RCOR1: variants seen among roughly 807,000 people sequenced by gnomAD.
The protein encoded by RCOR1 is REST corepressor.
RCOR1 carries 12 observed loss-of-function variants against 64.0 expected under a neutral mutation model. The ratio of observed to expected loss-of-function variants is 0.19; its 90% CI spans 0.12 to 0.30. The LOEUF (loss-of-function observed/expected upper bound fraction) is 0.30. Among genes scored for constraint, RCOR1 ranks in the 10% least tolerant of loss-of-function variants. RCOR1 has a pLI of 1.00. For missense variants in RCOR1, 502 were observed against 621.2 expected (o/e 0.81, Z 2.04); for synonymous variants, 279 against 227.2 (o/e 1.23, Z -2.05).
chr14:102,593,143 C>A lies in RCOR1; in HGVS notation c.257C>A (p.Ser86Tyr), dbSNP rs757175409. 1 of 1,530,242 alleles carries A rather than the reference C, an allele frequency of 6.5e-7. No individual in the cohort carries two copies. The highest frequency in any genetic ancestry group is 1.2e-5 in the South Asian group (1 of 81,760). The allele number at this position is 1,530,242 out of a possible 1,614,324, so 94.8% of individuals were successfully genotyped here. A position where few individuals can be genotyped will look rare whatever the true frequency, so the allele number is the denominator to read the frequency against. ...AAPNGNSSSN[S>Y]WEEGSSGSSS... ...CCCAATGGCAACAGCAGCAGCAACTCCTGGGAGGAAGGCAGCTCGGGCTCG... is the reference window on the plus strand; with the variant it reads ...CCCAATGGCAACAGCAGCAGCAACTACTGGGAGGAAGGCAGCTCGGGCTCG... Residue 86 changes from serine to tyrosine, a missense_variant, in exon 1 of 12, where the codon TCC (serine) becomes TAC (tyrosine). By Grantham distance (144) the Ser-to-Tyr change is moderately radical (BLOSUM62 -2). Coordinates refer to ENST00000262241, the MANE Select transcript of RCOR1 (RefSeq NM_015156.4).
rs1307673670 is a variant in RCOR1 at position 102,613,884 on chromosome 14, TC to T, written c.361+20560del. Among the ~76,000 whole-genome samples, 760 of 131,802 alleles carry T rather than the reference TC, an allele frequency of 5.8e-3. 8 individuals are homozygous for T. Among genetic ancestry groups the T allele is most frequent in the African/African-American group, 0.02 (717 of 35,288 alleles). 86.5% of individuals were successfully genotyped at this position (131,802 alleles called of 152,430 possible). A position where few individuals can be genotyped will look rare whatever the true frequency, so the allele number is the denominator to read the frequency against. The stretch of plus-strand genomic sequence containing the variant: ...ATAGGTTGTTTTTTGAATTAACTAT[TC>T]TTTTTTTTTTTTTTTTTTTTTTTTG... On this transcript the variant is annotated intron_variant, in intron 2 of 11. Coordinates refer to ENST00000262241, the MANE Select transcript of RCOR1 (RefSeq NM_015156.4).
At chr14:102,663,276 T>C (rs1368535658) in intron 2 of RCOR1, among the ~76,000 whole-genome samples, 1 of 152,240 alleles carries the variant, frequency 6.6e-6, no homozygotes, top group Non-Finnish European at 1.5e-5. Context: ...CTTTGTTTTG[T>C]AAATTGCCCA....
intron 2 of RCOR1, among the ~76,000 whole-genome samples, chr14:102,663,342 A>G (rs567484870): frequency 3.9e-5 from 6 of 152,334 alleles, no homozygotes; most frequent in Admixed American, 1.3e-4. Flanking sequence ...ACTTCTCTCA[A>G]CATTTCTAGT....
At chr14:102,663,620 CT>C (rs1487113360) in intron 2 of RCOR1, among the ~76,000 whole-genome samples, 1 of 151,794 alleles carries the variant, frequency 6.6e-6, no homozygotes, top group Non-Finnish European at 1.5e-5. Context: ...AGCTTCAGGG[CT>C]TTTTTTTCTC....
intron 2 of RCOR1, among the ~76,000 whole-genome samples, chr14:102,605,804 A>T (rs903527915): frequency 4.3e-4 from 65 of 152,134 alleles, no homozygotes; most frequent in Non-Finnish European, 1.6e-4. Flanking sequence ...AGAATATGAC[A>T]CCTCCATGGG....
chr14:102,675,431 A>G (rs1423191191), intron 2 of RCOR1, among the ~76,000 whole-genome samples: 1 of 152,244 alleles, frequency 6.6e-6, no homozygotes, highest in Non-Finnish European at 1.5e-5. Flanking sequence ...ATGAACAATT[A>G]TAACAATATG....
intron 7 of RCOR1, among the ~76,000 whole-genome samples, chr14:102,712,112 A>G (rs540800026): frequency 3.3e-5 from 5 of 152,128 alleles, no homozygotes; most frequent in East Asian, 1.9e-4. Context: ...GGGCTCAAGC[A>G]GTCCTTCCAC....
chr14:102,720,462 T>C lies in RCOR1; in HGVS notation c.1054-545T>C, dbSNP rs186465279. On this transcript the variant is annotated intron_variant, in intron 8 of 11. Transcript: ENST00000262241. ...TGACAGTTAATCAAAGTTAGACTTC[T>C]GGAAATCTCACTGACATTGTGTTTT... 1.1e-4 allele frequency among the ~76,000 whole-genome samples: 17 copies of C among 152,340 alleles called. No individual in the cohort carries two copies. In the East Asian group the frequency reaches 3.3e-3, roughly 29 times the overall value.
chr14:102,699,045 C>T (rs1021842773), intron 3 of RCOR1, among the ~76,000 whole-genome samples: 1 of 152,120 alleles, frequency 6.6e-6, no homozygotes, highest in Admixed American at 6.5e-5. Flanking sequence ...CGCCACCACG[C>T]CCAGCTAATT....
intron 2 of RCOR1, among the ~76,000 whole-genome samples, chr14:102,617,908 A>G (rs1372465286): frequency 6.6e-6 from 1 of 151,394 alleles, no homozygotes; most frequent in Non-Finnish European, 1.5e-5. Context: ...TCTCAAATAA[A>G]AAAGAACACA....
chr14:102,613,097 TTTTTG>T lies in RCOR1; in HGVS notation c.361+19787_361+19791del, dbSNP rs1207078236. Among the ~76,000 whole-genome samples, 6 of 152,172 alleles carry T rather than the reference TTTTTG, an allele frequency of 3.9e-5. No homozygotes were observed. The East Asian group carries it at 9.7e-4, about 25-fold the overall frequency. ...TTTTGAGATGGTGCGAGTCTCGCTT[TTTTTG>T]TTTTGTTTTGTTTTTTTGAGATGGA... On this transcript the variant is annotated intron_variant, in intron 2 of 11. Coordinates refer to ENST00000262241, the MANE Select transcript of RCOR1 (RefSeq NM_015156.4).
At chr14:102,618,036 A>G (rs990745387) in intron 2 of RCOR1, among the ~76,000 whole-genome samples, 1 of 137,442 alleles carries the variant, frequency 7.3e-6, no homozygotes, top group African/African-American at 2.8e-5. Flanking sequence ...GTGGAGTGGC[A>G]TGATCTCAGT....
intron 3 of RCOR1, among the ~76,000 whole-genome samples, chr14:102,686,885 T>TTC (rs1416016512): frequency 6.6e-6 from 1 of 152,254 alleles, no homozygotes; most frequent in Non-Finnish European, 1.5e-5. Context: ...TTCTGTCGTC[T>TTC]TCTCCTTTTT....
In RCOR1 at chr14:102,636,896, G is replaced by A. The variant is rs1352978567; in HGVS notation, c.361+43571G>A. On this transcript the variant is annotated intron_variant, in intron 2 of 11. Transcript: ENST00000262241. ...TGAGGCATGTGGATCACTTGAACCC[G>A]GGAGGTGGAGGTTGCAGTGAGCTGA... Among the ~76,000 whole-genome samples the A allele has an allele frequency of 9.2e-5, 14 of 151,820 alleles. No homozygotes were observed. In the East Asian group the frequency reaches 1.4e-3, roughly 15 times the overall value.
intron 4 of RCOR1, among the ~76,000 whole-genome samples, chr14:102,704,660 G>A (rs1406085134): frequency 6.6e-6 from 1 of 152,198 alleles, no homozygotes; most frequent in African/African-American, 2.4e-5. Flanking sequence ...TCGAACTCCT[G>A]ACCTCGTGAT....
Position 102,686,444 on chromosome 14 carries a change from A to T in RCOR1, c.445+4466A>T, listed in dbSNP as rs147449563. Among the ~76,000 whole-genome samples, 218 of 152,314 alleles carry T rather than the reference A, an allele frequency of 1.4e-3. 2 individuals carry two copies. Among genetic ancestry groups the T allele is most frequent in the African/African-American group, 4.7e-3 (195 of 41,570 alleles). On this transcript the variant is annotated intron_variant, in intron 3 of 11. Coordinates refer to ENST00000262241, the MANE Select transcript of RCOR1 (RefSeq NM_015156.4). ...TTACAATCAAGCAGCCTACAGTGAC[A>T]CATTCTTATCACCCGAAATTCATAG...
chr14:102,592,749 C>T lies in RCOR1; in HGVS notation c.-138C>T. The T allele has an allele frequency of 1.6e-6, 2 of 1,218,404 alleles. No homozygotes were observed. Among genetic ancestry groups the T allele is most frequent in the Non-Finnish European group, 1.0e-6 (1 of 979,574 alleles). 75.5% of individuals were successfully genotyped at this position (1,218,404 alleles called of 1,614,324 possible). A position where few individuals can be genotyped will look rare whatever the true frequency, so the allele number is the denominator to read the frequency against. ...GCGCTCTGCCCGTTTGGGCCTCCCCCGACTCGGACTCGCGCCCGTGGGCTC... is the reference window on the plus strand; with the variant it reads ...GCGCTCTGCCCGTTTGGGCCTCCCCTGACTCGGACTCGCGCCCGTGGGCTC... On this transcript the variant is annotated 5_prime_UTR_variant, in exon 1 of 12. Transcript: ENST00000262241.
intron 2 of RCOR1, among the ~76,000 whole-genome samples, chr14:102,632,218 GTTT>G (rs58663777): frequency 1.1e-4 from 15 of 130,446 alleles, no homozygotes; most frequent in Admixed American, 1.5e-4. Context: ...CGTTTGTTGG[GTTT>G]TTTTTTTTTT....
chr14:102,606,082 T>TA (rs576183924), intron 2 of RCOR1, among the ~76,000 whole-genome samples: 33 of 151,988 alleles, frequency 2.2e-4, no homozygotes, highest in Admixed American at 5.2e-4. Flanking sequence ...CGCGCCACCA[T>TA]GCCTGGCTAA....
Sources: allele counts gnomAD v4.1 joint callset (sites outside exome capture counted in the v4.1 genomes callset), GRCh38; gene constraint gnomAD v4.1.1; transcripts MANE v1.5; gene names NCBI Gene and HGNC (gene_info 2026-07-23, HGNC 2026-07-21).